Variants in PPP6R1 observed in about 807,000 individuals in gnomAD.
The protein encoded by PPP6R1 is serine/threonine-protein phosphatase 6 regulatory subunit 1.
In PPP6R1, 39 loss-of-function variants were observed where a neutral mutation model predicts 104.6. The ratio of observed to expected loss-of-function variants is 0.37; its 90% CI spans 0.29 to 0.49. PPP6R1 has a LOEUF of 0.49. Among genes scored for constraint, PPP6R1 ranks in the 20% least tolerant of loss-of-function variants. The probability of loss-of-function intolerance (pLI) is 0.98; values close to 1 mark genes in which losing one functional copy is unlikely to be tolerated. For missense variants in PPP6R1, 1,181 were observed against 1,155.8 expected (o/e 1.02, Z -0.32); for synonymous variants, 549 against 479.0 (o/e 1.15, Z -1.91).
downstream of PPP6R1, chr19:55,228,701 C>A (rs149958597): frequency 4.8e-3 from 7,784 of 1,613,094 alleles, 25 homozygotes; most frequent in Non-Finnish European, 5.7e-3. Flanking sequence ...CTGGGCTGAG[C>A]AGTGAGTCTT....
At chr19:55,233,595 G>C (rs1006313177) in intron 17 of PPP6R1, among the ~76,000 whole-genome samples, 1 of 152,130 alleles carries the variant, frequency 6.6e-6, no homozygotes, top group African/African-American at 2.4e-5. Context: ...GTTCAGCAAG[G>C]TTGCAGGATG....
At chr19:55,243,665 C>CAAAAAAAAAAAA (rs756399928) in intron 5 of PPP6R1, among the ~76,000 whole-genome samples, 17 of 151,082 alleles carry the variant, frequency 1.1e-4, no homozygotes, top group African/African-American at 3.7e-4. Context: ...GACACTGTCT[C>CAAAAAAAAAAAA]AAAAAAAAGA....
intron 22 of PPP6R1, 33 bp downstream of exon 22, chr19:55,230,741 C>CG: frequency 1.4e-6 from 2 of 1,455,938 alleles, no homozygotes; most frequent in Non-Finnish European, 9.2e-7. Flanking sequence ...CAGCCCCACC[C>CG]CCACCCCCCC....
intron 1 of PPP6R1, among the ~76,000 whole-genome samples, chr19:55,251,068 C>A (rs1180997998): frequency 6.6e-6 from 1 of 152,208 alleles, no homozygotes; most frequent in Non-Finnish European, 1.5e-5. Flanking sequence ...AGATCTCTTA[C>A]TAAGCATTCA....
chr19:55,258,334 C>T (rs1249711687), intron 1 of PPP6R1, 101 bp downstream of exon 1: 1 of 152,428 alleles, frequency 6.6e-6, no homozygotes, highest in African/African-American at 2.4e-5. Context: ...AGAAAAGACC[C>T]GCGGGGGTCC....
At chr19:55,250,507 C>T (rs1451217549) in intron 1 of PPP6R1, among the ~76,000 whole-genome samples, 1 of 152,184 alleles carries the variant, frequency 6.6e-6, no homozygotes, top group African/African-American at 2.4e-5. Context: ...CCGACTCTCA[C>T]CTCAGGGAGG....
At chr19:55,228,720 G>T, downstream of PPP6R1, 2 of 1,613,250 alleles carry the variant, frequency 1.2e-6, no homozygotes, top group Non-Finnish European at 1.7e-6. Flanking sequence ...TTCAGGGTCT[G>T]CCCCGCTTTG....
Position 55,245,717 on chromosome 19 carries a change from A to C in PPP6R1, c.228-39T>G. ...ACAGGCGGGTGGGGGCTCGGGTCGG[A>C]GGCCGGGGGCAGGGGGCGGCAAGGC... On this transcript the variant is annotated intron_variant, in intron 2 of 23. Coordinates refer to ENST00000412770, the MANE Select transcript of PPP6R1 (RefSeq NM_014931.4). The surrounding 1 kb of genome is among the most constrained non-coding windows in gnomAD (Gnocchi z 6.4). 117 of 1,059,272 alleles carry C rather than the reference A, an allele frequency of 1.1e-4. No homozygotes were observed. Among genetic ancestry groups the C allele is most frequent in the Non-Finnish European group, 1.5e-4 (111 of 728,190 alleles). The allele number at this position is 1,059,272 out of a possible 1,614,324, so 65.6% of individuals were successfully genotyped here. A position where few individuals can be genotyped will look rare whatever the true frequency, so the allele number is the denominator to read the frequency against.
Position 55,258,963 on chromosome 19 carries a change from G to GCGGCCGGCCTCAGGGCCTCCGA in PPP6R1, c.-557_-536dup, listed in dbSNP as rs1239995793. The GCGGCCGGCCTCAGGGCCTCCGA allele has an allele frequency of 1.9e-4, 29 of 152,320 alleles. No homozygotes were observed. Among genetic ancestry groups the GCGGCCGGCCTCAGGGCCTCCGA allele is most frequent in the South Asian group, 8.3e-4 (4 of 4,830 alleles). 9.4% of individuals were successfully genotyped at this position (152,320 alleles called of 1,614,324 possible). ...CAAAGCCGCTCAATCTCCGGGCTCT[G>GCGGCCGGCCTCAGGGCCTCCGA]CGGCCGGCCTCAGGGCCTCCGACGC... On this transcript the variant is annotated 5_prime_UTR_variant, in exon 1 of 24. Coordinates refer to ENST00000412770, the MANE Select transcript of PPP6R1 (RefSeq NM_014931.4).
chr19:55,242,343 TC>T (rs762039192), intron 6 of PPP6R1, 32 bp downstream of exon 6: 4 of 1,611,900 alleles, frequency 2.5e-6, no homozygotes, highest in Admixed American at 1.7e-5. Context: ...CCAAGTCAGC[TC>T]CCCCCAGCCT....
Position 55,245,695 on chromosome 19 carries a change from G to A in PPP6R1, c.228-17C>T. 1 of 1,597,364 alleles carries A rather than the reference G, an allele frequency of 6.3e-7. No homozygotes were observed. Among genetic ancestry groups the A allele is most frequent in the South Asian group, 1.1e-5 (1 of 90,662 alleles). On this transcript the variant is annotated splice_polypyrimidine_tract_variant and intron_variant, in intron 2 of 23. Transcript: ENST00000412770. This position sits in a 1 kb window ranked among gnomAD's most constrained non-coding sequence, Gnocchi z 6.4. ...CTGGGGTACCTGGGAGGCAAGCACAGGCGGGTGGGGGCTCGGGTCGGAGGC... is the reference window on the plus strand; with the variant it reads ...CTGGGGTACCTGGGAGGCAAGCACAAGCGGGTGGGGGCTCGGGTCGGAGGC...
rs969666603 is a variant in PPP6R1 at position 55,242,759 on chromosome 19, T to C, written c.619-271A>G. The stretch of plus-strand genomic sequence containing the variant: ...ACAGGGCTGGCAGCACCGCCCACAA[T>C]GACCCAGAAGGCTCTGACTGATGAG... On this transcript the variant is annotated intron_variant, in intron 5 of 23. Coordinates refer to ENST00000412770, the MANE Select transcript of PPP6R1 (RefSeq NM_014931.4). The C allele has an allele frequency of 9.7e-5, 46 of 471,884 alleles. No individual in the cohort carries two copies. The Admixed American group carries it at 1.0e-3, about 10-fold the overall frequency. The allele number at this position is 471,884 out of a possible 1,614,324, so 29.2% of individuals were successfully genotyped here. A position where few individuals can be genotyped will look rare whatever the true frequency, so the allele number is the denominator to read the frequency against.
chr19:55,234,789 A>T (rs1006392076), intron 17 of PPP6R1, among the ~76,000 whole-genome samples: 11 of 152,160 alleles, frequency 7.2e-5, no homozygotes, highest in African/African-American at 2.4e-4. Context: ...CAAACACACA[A>T]CAGGGAAGGA....
At chr19:55,231,020 G>A in intron 21 of PPP6R1, 136 bp from the exon 22 acceptor site, 2 of 744,370 alleles carry the variant, frequency 2.7e-6, no homozygotes, top group Non-Finnish European at 4.5e-6. Flanking sequence ...GCCTCCCGAG[G>A]ACGCAGCTGG....
chr19:55,239,533 G>A lies in PPP6R1; in HGVS notation c.1654-31C>T, dbSNP rs115975543. On this transcript the variant is annotated intron_variant, in intron 14 of 23. Transcript: ENST00000412770. ...GGGGTGCGGAGGTTAGGGCTGGAGGGAGTTGGGCAGGACCCCACTCCAGCA... is the reference window on the plus strand; with the variant it reads ...GGGGTGCGGAGGTTAGGGCTGGAGGAAGTTGGGCAGGACCCCACTCCAGCA... 4,189 of 1,611,856 alleles carry A rather than the reference G, an allele frequency of 2.6e-3. 79 individuals are homozygous for A. The African/African-American group carries it at 0.048, about 19-fold the overall frequency.
Position 55,245,739 on chromosome 19 carries a change from A to C in PPP6R1, c.228-61T>G. On this transcript the variant is annotated intron_variant, in intron 2 of 23. Coordinates refer to ENST00000412770, the MANE Select transcript of PPP6R1 (RefSeq NM_014931.4). The surrounding 1 kb of genome is among the most constrained non-coding windows in gnomAD (Gnocchi z 6.4). ...CGGAGGCCGGGGGCAGGGGGCGGCA[A>C]GGCTCCACCCTCTTCTCTGCACCGG... 12 of 1,358,752 alleles carry C rather than the reference A, an allele frequency of 8.8e-6. No homozygotes were observed. The highest frequency in any genetic ancestry group is 1.4e-5 in the African/African-American group (1 of 70,362). 84.2% of individuals were successfully genotyped at this position (1,358,752 alleles called of 1,614,324 possible).
At position 55,241,785 on chromosome 19, in the gene PPP6R1, G is replaced by T; in HGVS notation, c.846-146C>A. 9.4e-7 allele frequency: 1 copy of T among 1,069,138 alleles called. No homozygotes were observed. The highest frequency in any genetic ancestry group is 1.3e-6 in the Non-Finnish European group (1 of 761,876). 66.2% of individuals were successfully genotyped at this position (1,069,138 alleles called of 1,614,324 possible). On this transcript the variant is annotated intron_variant, in intron 7 of 23. Coordinates refer to ENST00000412770, the MANE Select transcript of PPP6R1 (RefSeq NM_014931.4). The surrounding 1 kb of genome is among the most constrained non-coding windows in gnomAD (Gnocchi z 5.4). Reference sequence around the variant, plus strand: ...CGCCGCTCTCTTCTGAGGCCCTTCAGACAACACCTGGCTGGGGTGGGGAGC... The same window carrying T: ...CGCCGCTCTCTTCTGAGGCCCTTCATACAACACCTGGCTGGGGTGGGGAGC...
At chr19:55,251,493 G>A (rs1440231396) in intron 1 of PPP6R1, among the ~76,000 whole-genome samples, 1 of 152,208 alleles carries the variant, frequency 6.6e-6, no homozygotes, top group Non-Finnish European at 1.5e-5. Context: ...GGAGGTGGGG[G>A]AAAGTGCAAG....
At chr19:55,249,365 C>T (rs981548190) in intron 1 of PPP6R1, among the ~76,000 whole-genome samples, 1 of 152,176 alleles carries the variant, frequency 6.6e-6, no homozygotes, top group African/African-American at 2.4e-5. Context: ...CCTCAACCTC[C>T]CTAGTAGCTG....
Sources: allele counts gnomAD v4.1 joint callset (sites outside exome capture counted in the v4.1 genomes callset), GRCh38; gene constraint gnomAD v4.1.1; non-coding constraint Gnocchi (gnomAD v3.1); transcripts MANE v1.5; gene names NCBI Gene and HGNC (gene_info 2026-07-23, HGNC 2026-07-21).